CCDC3: variants seen among roughly 807,000 people sequenced by gnomAD.
CCDC3 encodes the protein coiled-coil domain-containing protein 3.
A neutral mutation model predicts 21.4 loss-of-function variants in CCDC3; 24 were observed. The observed-to-expected ratio is 1.12, with a 90% CI of 0.81 to 1.58. The LOEUF (loss-of-function observed/expected upper bound fraction) is 1.58. Among genes scored for constraint, CCDC3 ranks in the 40% most tolerant of loss-of-function variants. The pLI is 0.00. For missense variants in CCDC3, 425 were observed against 360.9 expected (o/e 1.18, Z -1.44); for synonymous variants, 186 against 166.0 (o/e 1.12, Z -0.93).
chr10:12,982,026 G>A (rs1835505338), intron 2 of CCDC3, among the ~76,000 whole-genome samples: 2 of 147,668 alleles, frequency 1.4e-5, no homozygotes, highest in African/African-American at 5.0e-5. Context: ...GGAGGCTGAC[G>A]CAGGAGAATT....
At chr10:12,953,513 A>C (rs1213008748) in intron 2 of CCDC3, among the ~76,000 whole-genome samples, 1 of 152,254 alleles carries the variant, frequency 6.6e-6, no homozygotes, top group East Asian at 1.9e-4. Context: ...AGGAAAACAG[A>C]AGATCTGTGG....
intron 3 of CCDC3, among the ~76,000 whole-genome samples, chr10:13,076,034 C>G (rs956251243): frequency 6.6e-6 from 1 of 152,112 alleles, no homozygotes; most frequent in Non-Finnish European, 1.5e-5. Flanking sequence ...TGCACTCCAG[C>G]CTGGGTGACA....
At chr10:13,073,414 A>C (rs55990072) in intron 4 of CCDC3, among the ~76,000 whole-genome samples, 31,596 of 152,122 alleles carry the variant, frequency 0.21, 3,872 homozygotes, top group East Asian at 0.29. Context: ...AGGTGTCATT[A>C]CTGCTCTGAA....
chr10:13,042,400 C>G (rs556259148), intron 5 of CCDC3, among the ~76,000 whole-genome samples: 2 of 152,300 alleles, frequency 1.3e-5, no homozygotes, highest in African/African-American at 4.8e-5. Context: ...GGCGGGAGAC[C>G]GCCACAGGAC....
At chr10:13,085,966 TA>T (rs60901983) in intron 3 of CCDC3, among the ~76,000 whole-genome samples, 367 of 138,254 alleles carry the variant, frequency 2.7e-3, no homozygotes, top group Non-Finnish European at 3.6e-3. Context: ...GACTCCCTCT[TA>T]AAAAAAAAAA....
chr10:13,009,394 T>C (rs1345439787), intron 5 of CCDC3, among the ~76,000 whole-genome samples: 2 of 152,212 alleles, frequency 1.3e-5, no homozygotes, highest in African/African-American at 4.8e-5. Flanking sequence ...CCCAGTGGAC[T>C]TTTTGATAAA....
At chr10:13,048,324 A>T (rs781035946) in intron 5 of CCDC3, among the ~76,000 whole-genome samples, 9 of 151,904 alleles carry the variant, frequency 5.9e-5, no homozygotes, top group South Asian at 2.1e-4. Context: ...CCCTAGTAGC[A>T]GGGACTACAG....
chr10:13,041,239 T>C (rs1459035274), intron 5 of CCDC3, among the ~76,000 whole-genome samples: 4 of 152,170 alleles, frequency 2.6e-5, no homozygotes, highest in African/African-American at 9.7e-5. Context: ...TTAGTATTTC[T>C]CTTGGTTTCT....
intron 3 of CCDC3, among the ~76,000 whole-genome samples, chr10:13,091,020 G>A (rs1251461968): frequency 6.6e-6 from 1 of 152,214 alleles, no homozygotes; most frequent in African/African-American, 2.4e-5. Context: ...AGAACTTGGA[G>A]TCTGATGTTC....
At chr10:12,993,407 AC>A (rs1835708049) in intron 2 of CCDC3, among the ~76,000 whole-genome samples, 1 of 152,170 alleles carries the variant, frequency 6.6e-6, no homozygotes, top group African/African-American at 2.4e-5. Flanking sequence ...GAAGGGTAAC[AC>A]CCCTATCATC....
intron 2 of CCDC3, among the ~76,000 whole-genome samples, chr10:12,977,262 G>A (rs1835430625): frequency 2.0e-5 from 3 of 148,876 alleles, no homozygotes; most frequent in African/African-American, 7.7e-5. Context: ...GCAACAGAGC[G>A]AGACCTTGTC....
In CCDC3 at chr10:12,898,136, C is replaced by T; in HGVS notation, c.*280G>A. On this transcript the variant is annotated 3_prime_UTR_variant, in exon 3 of 3. Coordinates refer to ENST00000378825, the MANE Select transcript of CCDC3 (RefSeq NM_031455.4). Reference sequence around the variant, plus strand: ...CCCAGTCAGGGCTCTTTCTGGGCTGCTCTGCAGGCGAGCATTCAGCACTCA... The same window carrying T: ...CCCAGTCAGGGCTCTTTCTGGGCTGTTCTGCAGGCGAGCATTCAGCACTCA... 2.2e-6 allele frequency: 1 copy of T among 464,620 alleles called. No individual in the cohort carries two copies. Among genetic ancestry groups the T allele is most frequent in the Non-Finnish European group, 3.8e-6 (1 of 262,198 alleles). 28.8% of individuals were successfully genotyped at this position (464,620 alleles called of 1,614,324 possible).
At chr10:13,098,710 A>ATTTTGTTTTTTT (rs1832666858) in intron 2 of CCDC3, 1 of 64,854 alleles carries the variant, frequency 1.5e-5, no homozygotes, top group Non-Finnish European at 2.7e-5. Flanking sequence ...TCCTGCACTG[A>ATTTTGTTTTTTT]TTTTTTTTTT....
intron 2 of CCDC3, among the ~76,000 whole-genome samples, chr10:12,962,297 G>C (rs1589023031): frequency 6.6e-6 from 1 of 152,182 alleles, no homozygotes; most frequent in African/African-American, 2.4e-5. Context: ...ATGCATTAAT[G>C]AAGTGCCATA....
At chr10:12,995,867 T>C (rs771283045) in intron 2 of CCDC3, among the ~76,000 whole-genome samples, 1 of 152,202 alleles carries the variant, frequency 6.6e-6, no homozygotes, top group Non-Finnish European at 1.5e-5. Context: ...CACGGTCCCA[T>C]TGTTCTTTGT....
chr10:13,050,209 G>A (rs1335903536), intron 4 of CCDC3, among the ~76,000 whole-genome samples: 1 of 152,160 alleles, frequency 6.6e-6, no homozygotes, highest in Non-Finnish European at 1.5e-5. Flanking sequence ...GGGCAGGGCT[G>A]GTCCATTTGC....
At chr10:13,072,754 T>C (rs1836899170) in intron 4 of CCDC3, among the ~76,000 whole-genome samples, 1 of 152,080 alleles carries the variant, frequency 6.6e-6, no homozygotes, top group Non-Finnish European at 1.5e-5. Flanking sequence ...TAAAGTCTCC[T>C]GGTCATGTGA....
At chr10:12,948,695 G>T (rs1288704160) in intron 2 of CCDC3, among the ~76,000 whole-genome samples, 1 of 150,818 alleles carries the variant, frequency 6.6e-6, no homozygotes, top group Non-Finnish European at 1.5e-5. Flanking sequence ...AAGACGAAAA[G>T]GGGTAAAAAT....
In CCDC3 at chr10:12,907,535, C is replaced by T. The variant is rs181794804; in HGVS notation, c.550-8856G>A. ...TGGTGCACACCTATACTCCCAGCTACGCGGGAGGCTGAGGCAGGAGAATCG... is the reference window on the plus strand; with the variant it reads ...TGGTGCACACCTATACTCCCAGCTATGCGGGAGGCTGAGGCAGGAGAATCG... On this transcript the variant is annotated intron_variant, in intron 2 of 2. Coordinates refer to ENST00000378825, the MANE Select transcript of CCDC3 (RefSeq NM_031455.4). Among the ~76,000 whole-genome samples the T allele has an allele frequency of 1.2e-3, 190 of 152,250 alleles. 2 individuals carry two copies. Among genetic ancestry groups the T allele is most frequent in the Admixed American group, 8.4e-3 (129 of 15,298 alleles).
Sources: allele counts gnomAD v4.1 joint callset (sites outside exome capture counted in the v4.1 genomes callset), GRCh38; gene constraint gnomAD v4.1.1; transcripts MANE v1.5; gene names NCBI Gene and HGNC (gene_info 2026-07-23, HGNC 2026-07-21).